The following ABLIM1 variants were observed in gnomAD, a reference collection of about 807,000 sequenced individuals.
ABLIM1 encodes the protein actin binding LIM protein 1.
Under a neutral mutation model 107.0 loss-of-function variants are expected in ABLIM1, and 40 were observed. The observed-to-expected ratio is 0.37, with a 90% CI of 0.29 to 0.49. The LOEUF is 0.49. ABLIM1 is among the 20% of genes least tolerant of loss of function. ABLIM1 has a pLI of 0.97. For synonymous variants in ABLIM1, 357 were observed against 357.3 expected (o/e 1.00, Z 0.01); for missense variants, 857 against 1,008.5 (o/e 0.85, Z 2.04).
At chr10:114,523,335 T>C (rs1336050526) in intron 6 of ABLIM1, among the ~76,000 whole-genome samples, 6 of 152,040 alleles carry the variant, frequency 3.9e-5, no homozygotes, top group Non-Finnish European at 5.9e-5. Flanking sequence ...GATAACCTGG[T>C]TCAGAGAACC....
At chr10:114,666,494 T>C (rs1262228712) in intron 1 of ABLIM1, among the ~76,000 whole-genome samples, 2 of 152,138 alleles carry the variant, frequency 1.3e-5, no homozygotes, top group East Asian at 1.9e-4. Flanking sequence ...TACTCGACGA[T>C]AGATGAAACT....
chr10:114,773,338 G>C, the ABLIM1 span, among the ~76,000 whole-genome samples: 2 of 152,120 alleles, frequency 1.3e-5, no homozygotes, highest in African/African-American at 4.8e-5. Flanking sequence ...ACATAGCCTA[G>C]GAACAAAACA....
chr10:114,674,969 A>G (rs2080416351), intron 1 of ABLIM1, among the ~76,000 whole-genome samples: 1 of 152,134 alleles, frequency 6.6e-6, no homozygotes, highest in African/African-American at 2.4e-5. Flanking sequence ...CTCTCTTGCT[A>G]TATGAGCACA....
chr10:114,469,513 G>A (rs764305662), intron 10 of ABLIM1, among the ~76,000 whole-genome samples: 1 of 152,134 alleles, frequency 6.6e-6, no homozygotes. Flanking sequence ...CCCTGTCAGC[G>A]CTGATGTCTC....
At chr10:114,603,637 T>TAAAAAAA (rs869124405) in intron 1 of ABLIM1, among the ~76,000 whole-genome samples, 1 of 139,506 alleles carries the variant, frequency 7.2e-6, no homozygotes. Flanking sequence ...CCTTGCACAT[T>TAAAAAAA]AAAAAAAAAA....
intron 1 of ABLIM1, among the ~76,000 whole-genome samples, chr10:114,614,366 C>A (rs891514250): frequency 1.3e-5 from 2 of 152,072 alleles, no homozygotes; most frequent in Non-Finnish European, 2.9e-5. Context: ...ACAGGAGAAT[C>A]GCTTGAACCC....
At chr10:114,534,127 A>T (rs73357393) in intron 6 of ABLIM1, among the ~76,000 whole-genome samples, 2,964 of 152,226 alleles carry the variant, frequency 0.019, 118 homozygotes, top group African/African-American at 0.069. Context: ...ATTTAGAAGA[A>T]GGGGCATGAT....
At chr10:114,602,544 T>A (rs1458170094) in intron 1 of ABLIM1, among the ~76,000 whole-genome samples, 2 of 152,226 alleles carry the variant, frequency 1.3e-5, no homozygotes, top group African/African-American at 4.8e-5. Context: ...TTCCCGATCA[T>A]AAATGGCAAC....
At chr10:114,668,090 T>C (rs1026022787) in intron 1 of ABLIM1, among the ~76,000 whole-genome samples, 8 of 146,088 alleles carry the variant, frequency 5.5e-5, no homozygotes, top group African/African-American at 1.8e-4. Flanking sequence ...TCAGGTTGCA[T>C]GAAATTGAAA....
At chr10:114,711,983 G>T (rs978649186) in intron 1 of ABLIM1, among the ~76,000 whole-genome samples, 4 of 152,114 alleles carry the variant, frequency 2.6e-5, no homozygotes, top group African/African-American at 9.7e-5. Context: ...GAATGGAATC[G>T]GAGGAGCATG....
intron 6 of ABLIM1, among the ~76,000 whole-genome samples, chr10:114,498,993 C>T (rs1020791721): frequency 5.3e-5 from 8 of 152,336 alleles, no homozygotes; most frequent in East Asian, 1.9e-4. Context: ...TGAGGTAGGT[C>T]GGTGCTATTT....
chr10:114,564,896 A>C (rs1232503108), intron 4 of ABLIM1, among the ~76,000 whole-genome samples: 1 of 152,236 alleles, frequency 6.6e-6, no homozygotes, highest in Non-Finnish European at 1.5e-5. Context: ...TCCTTAAAGA[A>C]TAATGGCCAA....
At chr10:114,527,667 T>TTC (rs1289840245) in intron 6 of ABLIM1, among the ~76,000 whole-genome samples, 2 of 149,718 alleles carry the variant, frequency 1.3e-5, no homozygotes, top group Non-Finnish European at 3.0e-5. Context: ...GTCTTTTTTT[T>TTC]TTTTTTTTTT....
intron 6 of ABLIM1, among the ~76,000 whole-genome samples, chr10:114,511,057 A>C (rs1436169465): frequency 6.6e-6 from 1 of 152,040 alleles, no homozygotes; most frequent in African/African-American, 2.4e-5. Flanking sequence ...AATATCTTTG[A>C]AGTCTTCCAC....
chr10:114,679,859 T>C (rs1191591916), intron 1 of ABLIM1, among the ~76,000 whole-genome samples: 8 of 152,138 alleles, frequency 5.3e-5, no homozygotes, highest in Admixed American at 4.6e-4. Context: ...CTATCTGCCT[T>C]TTAAAACTAG....
At chr10:114,638,613 T>G (rs1566156145) in intron 1 of ABLIM1, among the ~76,000 whole-genome samples, 1 of 147,284 alleles carries the variant, frequency 6.8e-6, no homozygotes. Flanking sequence ...TCTCGTCCCA[T>G]GCCCTGCCTA....
chr10:114,604,093 G>A (rs1042451238), intron 1 of ABLIM1, among the ~76,000 whole-genome samples: 1 of 152,128 alleles, frequency 6.6e-6, no homozygotes, highest in Non-Finnish European at 1.5e-5. Context: ...ATAGTGCAGG[G>A]TGTTTACATA....
intron 1 of ABLIM1, among the ~76,000 whole-genome samples, chr10:114,645,463 CTCTT>C (rs2078973326): frequency 6.6e-6 from 1 of 151,790 alleles, no homozygotes; most frequent in South Asian, 2.1e-4. Context: ...CTCGCAGAGT[CTCTT>C]TTTTTTTTGG....
chr10:114,654,811 T>C (rs1038846614), intron 1 of ABLIM1, among the ~76,000 whole-genome samples: 3 of 152,206 alleles, frequency 2.0e-5, no homozygotes, highest in Non-Finnish European at 4.4e-5. Flanking sequence ...ATCTCTCCCA[T>C]ACTGTGCAAG....
Sources: allele counts gnomAD v4.1 joint callset (sites outside exome capture counted in the v4.1 genomes callset), GRCh38; gene constraint gnomAD v4.1.1; transcripts MANE v1.5; gene names NCBI Gene and HGNC (gene_info 2026-07-23, HGNC 2026-07-21).